AFF2: variants seen among roughly 807,000 people sequenced by gnomAD.
AFF2 encodes the protein AF4/FMR2 family member 2.
In AFF2, 14 loss-of-function variants were observed where a neutral mutation model predicts 76.9. That is an observed-to-expected ratio of 0.18 (90% CI 0.12 to 0.28). AFF2 has a LOEUF of 0.28. Ranked by LOEUF, AFF2 falls within the 10% of genes least tolerant of loss-of-function variation. The probability of loss-of-function intolerance (pLI) is 1.00; values close to 1 mark genes in which losing one functional copy is unlikely to be tolerated. For missense variants in AFF2, 868 were observed against 1,001.1 expected (o/e 0.87, Z 1.79); for synonymous variants, 398 against 366.7 (o/e 1.09, Z -0.98).
intron 4 of AFF2, among the ~76,000 whole-genome samples, chrX:148,816,608 T>C (rs1557272177): frequency 9.0e-6 from 1 of 110,973 alleles, no homozygotes; most frequent in Non-Finnish European, 1.9e-5. Flanking sequence ...GATGGGAGCT[T>C]CCATGGACCA....
At chrX:148,701,374 T>C (rs1435457550) in intron 3 of AFF2, among the ~76,000 whole-genome samples, 3 of 110,772 alleles carry the variant, frequency 2.7e-5, no homozygotes, top group Non-Finnish European at 5.7e-5. Flanking sequence ...TCATATAGGG[T>C]CCTCCATCTG....
intron 4 of AFF2, among the ~76,000 whole-genome samples, chrX:148,826,484 T>C (rs1398254100): frequency 1.8e-5 from 2 of 111,489 alleles, no homozygotes; most frequent in African/African-American, 6.5e-5. Context: ...CAATAGCTAC[T>C]TGTAGCTTAT....
intron 4 of AFF2, among the ~76,000 whole-genome samples, chrX:148,821,978 T>C (rs2070333543): frequency 8.9e-6 from 1 of 112,073 alleles, no homozygotes; most frequent in African/African-American, 3.2e-5. Context: ...CATAGTGTTA[T>C]TTCCACCCAA....
At chrX:148,795,036 A>G (rs1279796190) in intron 3 of AFF2, among the ~76,000 whole-genome samples, 4 of 112,241 alleles carry the variant, frequency 3.6e-5, no homozygotes, top group Non-Finnish European at 5.6e-5. Flanking sequence ...TCTACTTCAG[A>G]AGATTGTTGT....
At chrX:148,815,159 G>A (rs190943587) in intron 4 of AFF2, among the ~76,000 whole-genome samples, 145 of 111,389 alleles carry the variant, frequency 1.3e-3, no homozygotes, top group Middle Eastern at 9.2e-3. Flanking sequence ...ATAGTGTTCC[G>A]CCCAAGAAAG....
intron 1 of AFF2, among the ~76,000 whole-genome samples, chrX:148,591,022 C>T (rs1418466915): frequency 8.9e-6 from 1 of 111,826 alleles, no homozygotes; most frequent in African/African-American, 3.3e-5. Flanking sequence ...TTGAATTACC[C>T]GTGTTGCCCT....
At chrX:148,682,906 A>G (rs1009872777) in intron 3 of AFF2, among the ~76,000 whole-genome samples, 5 of 111,647 alleles carry the variant, frequency 4.5e-5, no homozygotes, top group South Asian at 7.6e-4. Context: ...AGAGTATATC[A>G]GGGAATTGTG....
chrX:148,730,527 A>G (rs1164539305), intron 3 of AFF2, among the ~76,000 whole-genome samples: 1 of 113,072 alleles, frequency 8.8e-6, no homozygotes, highest in Non-Finnish European at 1.9e-5. Flanking sequence ...TTAGGGGAAG[A>G]TTTAGATGAC....
intron 19 of AFF2, among the ~76,000 whole-genome samples, chrX:148,981,112 AAT>A (rs2072386869): frequency 8.9e-6 from 1 of 112,488 alleles, no homozygotes; most frequent in Admixed American, 9.4e-5. Flanking sequence ...TTCACTCAAT[AAT>A]GAAAGACCAA....
chrX:148,709,357 ACATCCTTGG>A (rs1251870227), intron 3 of AFF2, among the ~76,000 whole-genome samples: 1 of 111,679 alleles, frequency 9.0e-6, no homozygotes, highest in Non-Finnish European at 1.9e-5. Context: ...TGTCTCTTAC[ACATCCTTGG>A]CACCTGGAAC....
chrX:148,693,967 C>T (rs782546822), intron 3 of AFF2, among the ~76,000 whole-genome samples: 1 of 111,470 alleles, frequency 9.0e-6, no homozygotes, highest in East Asian at 2.8e-4. Flanking sequence ...GGCACATATA[C>T]ACCATGGAAT....
chrX:148,931,018 C>T (rs1321336891), intron 9 of AFF2, among the ~76,000 whole-genome samples: 1 of 110,893 alleles, frequency 9.0e-6, no homozygotes, highest in African/African-American at 3.3e-5. Context: ...TTTGGGAGGC[C>T]GAGGTGGGTG....
intron 1 of AFF2, among the ~76,000 whole-genome samples, chrX:148,623,131 T>C (rs2053886397): frequency 9.0e-6 from 1 of 111,557 alleles, no homozygotes; most frequent in Non-Finnish European, 1.9e-5. Flanking sequence ...TCATATAATA[T>C]AAAGAAATCC....
intron 1 of AFF2, among the ~76,000 whole-genome samples, chrX:148,536,462 C>T (rs192687508): frequency 6.0e-4 from 67 of 110,920 alleles, no homozygotes; most frequent in East Asian, 8.5e-4. Flanking sequence ...GAAATGACTG[C>T]GATATAGAGG....
intron 9 of AFF2, among the ~76,000 whole-genome samples, chrX:148,924,385 A>G (rs187920066): frequency 8.9e-6 from 1 of 112,112 alleles, no homozygotes; most frequent in Admixed American, 9.4e-5. Flanking sequence ...TTTAGCAAAC[A>G]TCGGTTTTCT....
rs782232655 is a variant in AFF2 at position 148,701,012 on chromosome X, A to AATGTGTGTGTG, written c.1041+38244_1041+38245insATGTGTGTGTG. On this transcript the variant is annotated intron_variant, in intron 3 of 20. Transcript: ENST00000370460. ...AGAGAGAGAGAGAGAGAGAGAGAGA[A>AATGTGTGTGTG]TGTGTGTGTGTGTGTGTGTGTGTGT... 1.4e-3 allele frequency among the ~76,000 whole-genome samples: 105 copies of AATGTGTGTGTG among 73,732 alleles called. 1 individual carries two copies. The highest frequency in any genetic ancestry group is 6.0e-3 in the African/African-American group (103 of 17,185). 64.0% of individuals were successfully genotyped at this position (73,732 alleles called of 115,157 possible).
intron 1 of AFF2, among the ~76,000 whole-genome samples, chrX:148,623,924 A>C (rs192896647): frequency 1.1e-3 from 125 of 111,209 alleles, no homozygotes; most frequent in South Asian, 6.0e-3. Context: ...TAAAGCCTAC[A>C]GGGTTGGTAG....
At chrX:148,713,815 T>C (rs1402530517) in intron 3 of AFF2, among the ~76,000 whole-genome samples, 1 of 111,486 alleles carries the variant, frequency 9.0e-6, no homozygotes, top group Non-Finnish European at 1.9e-5. Flanking sequence ...AAGGGGACAT[T>C]TGCAGTCTTA....
chrX:148,677,214 G>T (rs1333369833), intron 3 of AFF2, among the ~76,000 whole-genome samples: 1 of 110,601 alleles, frequency 9.0e-6, no homozygotes, highest in Non-Finnish European at 1.9e-5. Context: ...GCAGTGGATG[G>T]TGATACCATT....
Sources: allele counts gnomAD v4.1 joint callset (sites outside exome capture counted in the v4.1 genomes callset), GRCh38; gene constraint gnomAD v4.1.1; transcripts MANE v1.5; gene names NCBI Gene and HGNC (gene_info 2026-07-23, HGNC 2026-07-21).